The following NCOA7 variants were observed in gnomAD, a reference collection of about 807,000 sequenced individuals.
NCOA7 encodes the protein nuclear receptor coactivator 7, also known as 140 kDa estrogen receptor-associated protein.
Under a neutral mutation model 104.3 loss-of-function variants are expected in NCOA7, and 45 were observed. The observed-to-expected ratio is 0.43, with a 90% CI of 0.34 to 0.55. NCOA7 has a LOEUF of 0.55. NCOA7 is among the 20% of genes least tolerant of loss of function. The probability of loss-of-function intolerance (pLI) is 0.02; values close to 1 mark genes in which losing one functional copy is unlikely to be tolerated. For synonymous variants in NCOA7, 398 were observed against 402.3 expected (o/e 0.99, Z 0.13); for missense variants, 1,041 against 1,119.7 (o/e 0.93, Z 1.00).
At chr6:125,813,669 C>T (rs186687398) in intron 1 of NCOA7, among the ~76,000 whole-genome samples, 455 of 151,868 alleles carry the variant, frequency 3.0e-3, no homozygotes, top group African/African-American at 0.01. Flanking sequence ...AGGCTGGTCC[C>T]GAACTCCTGA....
intron 1 of NCOA7, among the ~76,000 whole-genome samples, chr6:125,798,480 T>A (rs1427004069): frequency 6.6e-6 from 1 of 152,226 alleles, no homozygotes; most frequent in South Asian, 2.1e-4. Context: ...GTATTAGTTA[T>A]TATCAAGGGT....
chr6:125,794,193 TA>T (rs1470693911), intron 1 of NCOA7, among the ~76,000 whole-genome samples: 4 of 152,202 alleles, frequency 2.6e-5, no homozygotes, highest in African/African-American at 9.6e-5. Context: ...GTACTTTCTA[TA>T]GTTTCTGTTT....
At chr6:125,898,582 A>G (rs74316180) in intron 10 of NCOA7, among the ~76,000 whole-genome samples, 6,933 of 152,250 alleles carry the variant, frequency 0.046, 485 homozygotes, top group African/African-American at 0.15. Flanking sequence ...TCCTCTTCTT[A>G]AAACCTATTT....
In NCOA7 at chr6:125,840,868, G is replaced by GTT. The variant is rs57168444; in HGVS notation, c.51-14111_51-14110dup. The stretch of plus-strand genomic sequence containing the variant: ...TTTTATGGTTTTTTTTGTTTGGTTG[G>GTT]TTTTTTTTTTTTTTTTTTTTTTTTT... On this transcript the variant is annotated intron_variant, in intron 2 of 15. Coordinates refer to ENST00000392477, the MANE Select transcript of NCOA7 (RefSeq NM_181782.5). Among the ~76,000 whole-genome samples, 19 of 40,366 alleles carry GTT rather than the reference G, an allele frequency of 4.7e-4. 2 individuals carry two copies. Among genetic ancestry groups the GTT allele is most frequent in the Non-Finnish European group, 6.0e-4 (14 of 23,440 alleles). 26.5% of individuals were successfully genotyped at this position (40,366 alleles called of 152,430 possible). A position where few individuals can be genotyped will look rare whatever the true frequency, so the allele number is the denominator to read the frequency against.
chr6:125,800,721 CA>C (rs1775806709), intron 1 of NCOA7, among the ~76,000 whole-genome samples: 1 of 152,130 alleles, frequency 6.6e-6, no homozygotes, highest in African/African-American at 2.4e-5. Context: ...GCATAAGGAA[CA>C]ATAATTATAA....
At chr6:125,868,094 T>C (rs1389471941) in intron 3 of NCOA7, among the ~76,000 whole-genome samples, 1 of 152,228 alleles carries the variant, frequency 6.6e-6, no homozygotes, top group Admixed American at 6.5e-5. Context: ...ATTAAAGAAG[T>C]TCACTCTATT....
intron 11 of NCOA7, among the ~76,000 whole-genome samples, chr6:125,916,336 CTCA>C (rs1238332193): frequency 1.3e-5 from 2 of 152,202 alleles, no homozygotes; most frequent in Non-Finnish European, 1.5e-5. Context: ...TTGTAAATTA[CTCA>C]GTTTCAGGTA....
At chr6:125,910,917 G>A (rs9401855) in intron 10 of NCOA7, among the ~76,000 whole-genome samples, 98,322 of 152,022 alleles carry the variant, frequency 0.65, 32,013 homozygotes, top group East Asian at 0.76. Context: ...TCTAGGATAT[G>A]TTATTAAATG....
intron 10 of NCOA7, chr6:125,899,926 G>A: frequency 3.8e-6 from 2 of 524,462 alleles, no homozygotes; most frequent in Non-Finnish European, 7.9e-6. Context: ...TGGTGGCGGA[G>A]CAAGCTTGGA....
chr6:125,903,623 A>AT (rs1018267312), intron 10 of NCOA7, among the ~76,000 whole-genome samples: 8 of 151,766 alleles, frequency 5.3e-5, no homozygotes, highest in Admixed American at 2.0e-4. Context: ...TTAAATAGTA[A>AT]TTTTTTTTAC....
chr6:125,802,108 G>C (rs1447991600), intron 1 of NCOA7, among the ~76,000 whole-genome samples: 1 of 152,112 alleles, frequency 6.6e-6, no homozygotes, highest in Non-Finnish European at 1.5e-5. Flanking sequence ...TCCGGGCTTT[G>C]ATATCTCAGG....
At chr6:125,784,399 G>T (rs1393922335) in intron 1 of NCOA7, among the ~76,000 whole-genome samples, 1 of 152,106 alleles carries the variant, frequency 6.6e-6, no homozygotes, top group South Asian at 2.1e-4. Context: ...TTATTTAATA[G>T]ATTAAAAATC....
upstream of NCOA7, among the ~76,000 whole-genome samples, chr6:125,789,748 T>C (rs1295320837): frequency 6.6e-6 from 1 of 152,236 alleles, no homozygotes; most frequent in Non-Finnish European, 1.5e-5. Context: ...CCACCACTGT[T>C]AACGCTTTGC....
intron 2 of NCOA7, among the ~76,000 whole-genome samples, chr6:125,843,007 TA>T: frequency 6.6e-6 from 1 of 152,196 alleles, no homozygotes; most frequent in East Asian, 1.9e-4. Context: ...ATTTGTAACA[TA>T]AAAGCTAAGT....
chr6:125,921,105 A>C, intron 12 of NCOA7, 37 bp downstream of exon 12: 1 of 1,599,838 alleles, frequency 6.3e-7, no homozygotes, highest in African/African-American at 1.3e-5. Context: ...GGGGGTTCCT[A>C]GGCTTTAAGA....
Position 125,793,106 on chromosome 6 carries a change from A to T in NCOA7, c.-65+2039A>T, listed in dbSNP as rs73771184. Among the ~76,000 whole-genome samples, 65 of 152,292 alleles carry T rather than the reference A, an allele frequency of 4.3e-4. No individual in the cohort carries two copies. In the South Asian group the frequency reaches 9.9e-3, roughly 23 times the overall value. ...GGATAAGGAAATAAAACTTTCCTAT[A>T]AAAGTTAATAAGACTGCAGGAACCA... On this transcript the variant is annotated intron_variant, in intron 1 of 15. Transcript: ENST00000392477.
intron 1 of NCOA7, among the ~76,000 whole-genome samples, chr6:125,811,775 C>G (rs1686709940): frequency 6.6e-6 from 1 of 152,164 alleles, no homozygotes; most frequent in African/African-American, 2.4e-5. Context: ...GGCTTCCACT[C>G]CCAATACGTC....
chr6:125,817,692 A>T (rs1409732976), intron 2 of NCOA7, among the ~76,000 whole-genome samples: 2 of 152,036 alleles, frequency 1.3e-5, no homozygotes, highest in African/African-American at 4.8e-5. Flanking sequence ...TTTCTCCCGG[A>T]CTGTAGTTTG....
intron 10 of NCOA7, among the ~76,000 whole-genome samples, chr6:125,898,508 T>C (rs1303922100): frequency 6.6e-6 from 1 of 152,220 alleles, no homozygotes; most frequent in Non-Finnish European, 1.5e-5. Flanking sequence ...GATGCCCTTC[T>C]TGACTTTGTG....
Sources: allele counts gnomAD v4.1 joint callset (sites outside exome capture counted in the v4.1 genomes callset), GRCh38; gene constraint gnomAD v4.1.1; transcripts MANE v1.5; gene names NCBI Gene and HGNC (gene_info 2026-07-23, HGNC 2026-07-21).